The following NUDT19 variants were observed in gnomAD, a reference collection of about 807,000 sequenced individuals.
NUDT19 encodes nudix hydrolase 19, also known as acyl-coenzyme A diphosphatase NUDT19.
A neutral mutation model predicts 22.2 loss-of-function variants in NUDT19; 31 were observed. That is an observed-to-expected ratio of 1.40 (90% CI 1.05 to 1.89). NUDT19 has a LOEUF of 1.89. Ranked by LOEUF, NUDT19 falls within the 40% of genes most tolerant of loss-of-function variation. The pLI is 0.00. For synonymous variants in NUDT19, 325 were observed against 230.8 expected, an observed-to-expected ratio of 1.41 and a Z score of -3.70; for missense variants, 752 against 514.2, an observed-to-expected ratio of 1.46 and a Z score of -4.47.
chr19:32,704,763 T>C (rs1394830939), intron 1 of NUDT19, among the ~76,000 whole-genome samples: 1 of 152,172 alleles, frequency 6.6e-6, no homozygotes, highest in Admixed American at 6.5e-5. Flanking sequence ...ATGTTGGATA[T>C]TGTGACTTTA....
rs1282045743 is a variant in NUDT19, at chr19:32,712,846, TTTA to T, written c.*894_*896del. ...ACAAGGGTTCCTACTTCTGTATTGTTTTATTATCTCAAAAATTTAAATAACATG... is the reference window on the plus strand; with the variant it reads ...ACAAGGGTTCCTACTTCTGTATTGTTTTATCTCAAAAATTTAAATAACATG... On this transcript the variant is annotated 3_prime_UTR_variant, in exon 3 of 3. Transcript: ENST00000397061. The T allele has an allele frequency of 6.6e-6, 1 of 152,196 alleles. No homozygotes were observed. Among genetic ancestry groups the T allele is most frequent in the Non-Finnish European group, 1.5e-5 (1 of 68,036 alleles). 9.4% of individuals were successfully genotyped at this position (152,196 alleles called of 1,614,324 possible). A position where few individuals can be genotyped will look rare whatever the true frequency, so the allele number is the denominator to read the frequency against.
chr19:32,693,169 G>A (rs532130599), intron 1 of NUDT19, among the ~76,000 whole-genome samples: 7 of 152,038 alleles, frequency 4.6e-5, no homozygotes, highest in Admixed American at 6.6e-5. Flanking sequence ...ATAAAGCCGC[G>A]GACCCTCGAA....
chr19:32,706,099 A>T (rs1023869321), intron 1 of NUDT19, among the ~76,000 whole-genome samples: 6 of 152,164 alleles, frequency 3.9e-5, no homozygotes, highest in African/African-American at 1.4e-4. Flanking sequence ...TAAAATACTA[A>T]TAATAGGAAA....
chr19:32,692,932 A>T (rs1968217534), intron 1 of NUDT19, among the ~76,000 whole-genome samples: 1 of 152,232 alleles, frequency 6.6e-6, no homozygotes. Flanking sequence ...CAGCGTGGCC[A>T]CTGTGTAAGC....
At chr19:32,698,974 G>A (rs1485075656) in intron 1 of NUDT19, among the ~76,000 whole-genome samples, 2 of 152,174 alleles carry the variant, frequency 1.3e-5, no homozygotes, top group Non-Finnish European at 2.9e-5. Flanking sequence ...GAAGAGTGAA[G>A]CCTTTTATCC....
rs61732600 is a variant in NUDT19, at chr19:32,692,446, G to C, written c.486G>C (p.Pro162=). 0.29 allele frequency: 442,551 copies of C among 1,542,446 alleles called. 65,062 individuals carry two copies. The highest frequency in any genetic ancestry group is 0.31 in the East Asian group (12,494 of 40,188). ...CTGGCCTCGCCCTGGAGCCACCGCCGGGCCTGGCCTCCTGGCGCGACCGCG... is the reference window on the plus strand; with the variant it reads ...CTGGCCTCGCCCTGGAGCCACCGCCCGGCCTGGCCTCCTGGCGCGACCGCG... ...PGPGLALEPP[P]GLASWRDRVR... The change falls in exon 1 of 3, where the codon CCG becomes CCC. Residue 162 remains proline, a synonymous_variant. Transcript: ENST00000397061.
At chr19:32,703,817 C>CGG (rs982042636) in intron 1 of NUDT19, among the ~76,000 whole-genome samples, 1 of 151,848 alleles carries the variant, frequency 6.6e-6, no homozygotes, top group Non-Finnish European at 1.5e-5. Context: ...CACCCACCAC[C>CGG]ATGCCCAGCT....
chr19:32,708,779 G>A (rs912497451), intron 1 of NUDT19, among the ~76,000 whole-genome samples: 6 of 152,134 alleles, frequency 3.9e-5, no homozygotes, highest in African/African-American at 1.4e-4. Context: ...TCAGGATCTA[G>A]CCAAGTACCC....
At chr19:32,704,814 A>T (rs921973659) in intron 1 of NUDT19, among the ~76,000 whole-genome samples, 1 of 151,970 alleles carries the variant, frequency 6.6e-6, no homozygotes, top group African/African-American at 2.4e-5. Flanking sequence ...CTTAAAGAGT[A>T]TTGGACTTTG....
At chr19:32,700,333 CACAGAGTGCTGATTGGTGCGTTTTT>C (rs1309358916) in intron 1 of NUDT19, among the ~76,000 whole-genome samples, 2 of 152,180 alleles carry the variant, frequency 1.3e-5, no homozygotes, top group Admixed American at 6.5e-5. Flanking sequence ...TTTAGCTAGA[CACAGAGTGCTGATTGGTGCGTTTTT>C]ACAGAGTACT....
chr19:32,709,808 C>T (rs1968426690), intron 2 of NUDT19, among the ~76,000 whole-genome samples: 1 of 146,216 alleles, frequency 6.8e-6, no homozygotes, highest in South Asian at 2.2e-4. Flanking sequence ...CACCACTGTG[C>T]CCGGCTAATC....
intron 2 of NUDT19, 94 bp downstream of exon 2, chr19:32,709,486 A>C (rs766652333): frequency 6.1e-6 from 6 of 984,842 alleles, no homozygotes; most frequent in Non-Finnish European, 9.7e-6. Context: ...CAGGAATTAC[A>C]GTCTGTGTTT....
chr19:32,692,224 C>A lies in NUDT19; in HGVS notation c.264C>A (p.Arg88=). The A allele has an allele frequency of 1.9e-6, 3 of 1,585,282 alleles. No individual in the cohort carries two copies. Among genetic ancestry groups the A allele is most frequent in the Non-Finnish European group, 2.6e-6 (3 of 1,174,538 alleles). The change falls in exon 1 of 3, where the codon CGC becomes CGA. Residue 88 remains arginine, a synonymous_variant. Transcript: ENST00000397061. ...TCGCGCCGCACCACGGGCCGCCGCG[C>A]TTCGGCCTGGGCCCGGCGCCATTCA... The part of the protein sequence containing the change: ...GLFAPHHGPP[R]FGLGPAPFSR...
At chr19:32,710,919 A>G (rs1968440618) in intron 2 of NUDT19, among the ~76,000 whole-genome samples, 4 of 152,038 alleles carry the variant, frequency 2.6e-5, no homozygotes, top group African/African-American at 7.2e-5. Flanking sequence ...TTATTACTCA[A>G]CCTACAGTGG....
intron 1 of NUDT19, among the ~76,000 whole-genome samples, chr19:32,694,597 T>G (rs1968242213): frequency 6.6e-6 from 1 of 152,214 alleles, no homozygotes; most frequent in Non-Finnish European, 1.5e-5. Flanking sequence ...CTGATGGACT[T>G]GAGCTTTGAG....
intron 1 of NUDT19, among the ~76,000 whole-genome samples, chr19:32,693,277 G>A (rs943049814): frequency 2.0e-5 from 3 of 152,118 alleles, no homozygotes; most frequent in African/African-American, 7.2e-5. Context: ...TCGTGGTCTC[G>A]CTGACTTCAG....
At position 32,692,472 on chromosome 19, in the gene NUDT19, T is replaced by TGCGCCAGGACCCGCGC; in HGVS notation, c.513_528dup (p.His177AlafsTer42). 1 of 1,549,708 alleles carries TGCGCCAGGACCCGCGC rather than the reference T, an allele frequency of 6.5e-7. No homozygotes were observed. The highest frequency in any genetic ancestry group is 1.9e-5 in the Admixed American group (1 of 51,504). ...GGCCTGGCCTCCTGGCGCGACCGCG[T>TGCGCCAGGACCCGCGC]GCGCCAGGACCCGCGCCACTTCCTG... is the stretch of plus-strand genomic sequence containing the variant. On this transcript the variant is annotated frameshift_variant, in exon 1 of 3. Coordinates refer to ENST00000397061, the MANE Select transcript of NUDT19 (RefSeq NM_001105570.2). LOFTEE classifies it high-confidence loss of function.
chr19:32,692,243 C>T lies in NUDT19; in HGVS notation c.283C>T (p.Pro95Ser), dbSNP rs1400377131. 4 of 1,590,686 alleles carry T rather than the reference C, an allele frequency of 2.5e-6. No homozygotes were observed. Among genetic ancestry groups the T allele is most frequent in the Non-Finnish European group, 2.5e-6 (3 of 1,176,974 alleles). Residue 95 changes from proline to serine, a missense_variant, in exon 1 of 3, where the codon CCA (proline) becomes TCA (serine). Physicochemically the swap from Pro to Ser is moderately conservative, Grantham distance 74. Coordinates refer to ENST00000397061, the MANE Select transcript of NUDT19 (RefSeq NM_001105570.2). ...GPPRFGLGPA[P>S]FSRTAFPSLP... ...GCCGCGCTTCGGCCTGGGCCCGGCG[C>T]CATTCAGCCGCACCGCTTTCCCGTC...
chr19:32,692,242 G>A lies in NUDT19; in HGVS notation c.282G>A (p.Ala94=), dbSNP rs755504277. The A allele has an allele frequency of 1.6e-5, 25 of 1,590,216 alleles. No homozygotes were observed. In the South Asian group the frequency reaches 2.2e-4, roughly 14 times the overall value. ...CGCCGCGCTTCGGCCTGGGCCCGGC[G>A]CCATTCAGCCGCACCGCTTTCCCGT... is the stretch of plus-strand genomic sequence containing the variant. The part of the protein sequence containing the change: ...HGPPRFGLGP[A]PFSRTAFPSL... Residue 94 remains alanine, a synonymous_variant, in exon 1 of 3, where the codon GCG becomes GCA. Transcript: ENST00000397061.
Sources: allele counts gnomAD v4.1 joint callset (sites outside exome capture counted in the v4.1 genomes callset), GRCh38; gene constraint gnomAD v4.1.1; transcripts MANE v1.5; gene names NCBI Gene and HGNC (gene_info 2026-07-23, HGNC 2026-07-21).